The following NFATC3 variants were observed in gnomAD, a reference collection of about 807,000 sequenced individuals.
NFATC3 encodes nuclear factor of activated T cells 3, also known as nuclear factor of activated T-cells, cytoplasmic 3.
NFATC3 carries 46 observed loss-of-function variants against 98.6 expected under a neutral mutation model. That is an observed-to-expected ratio of 0.47 (90% CI 0.37 to 0.60). The LOEUF is 0.60. NFATC3 is among the 20% of genes least tolerant of loss of function. The pLI is 0.00. For missense variants in NFATC3, 1,256 were observed against 1,295.5 expected (o/e 0.97, Z 0.47); for synonymous variants, 512 against 472.2 (o/e 1.08, Z -1.09).
intron 4 of NFATC3, among the ~76,000 whole-genome samples, chr16:68,164,996 G>C (rs1254895711): frequency 6.6e-6 from 1 of 152,038 alleles, no homozygotes; most frequent in South Asian, 2.1e-4. Context: ...TTGCTTTTTT[G>C]TTTTTTGCAT....
intron 8 of NFATC3, among the ~76,000 whole-genome samples, chr16:68,185,452 G>A (rs2040147784): frequency 6.6e-6 from 1 of 152,176 alleles, no homozygotes; most frequent in African/African-American, 2.4e-5. Context: ...ATACTGTTGA[G>A]ATGAGGGATT....
intron 1 of NFATC3, among the ~76,000 whole-genome samples, chr16:68,087,949 T>C (rs1410986480): frequency 6.6e-6 from 1 of 152,226 alleles, no homozygotes. Flanking sequence ...ATAGTGCTGC[T>C]ATGAACACAT....
At chr16:68,195,697 A>G (rs1405312799) in intron 9 of NFATC3, among the ~76,000 whole-genome samples, 2 of 151,822 alleles carry the variant, frequency 1.3e-5, no homozygotes, top group Non-Finnish European at 2.9e-5. Context: ...AGTCCCAGCT[A>G]CTTGGGAGGC....
intron 8 of NFATC3, among the ~76,000 whole-genome samples, chr16:68,186,415 C>A (rs545390796): frequency 1.3e-5 from 2 of 152,194 alleles, no homozygotes; most frequent in African/African-American, 4.8e-5. Context: ...TGTCGTGAGC[C>A]TGTAGTCCCA....
At chr16:68,114,136 T>C (rs2036136720) in intron 1 of NFATC3, among the ~76,000 whole-genome samples, 1 of 152,186 alleles carries the variant, frequency 6.6e-6, no homozygotes, top group Non-Finnish European at 1.5e-5. Context: ...GGAAAAAGTC[T>C]GGTTTCCCGC....
intron 3 of NFATC3, among the ~76,000 whole-genome samples, chr16:68,143,407 C>CA (rs1403007052): frequency 6.6e-6 from 1 of 152,034 alleles, no homozygotes; most frequent in Non-Finnish European, 1.5e-5. Context: ...TGTTTATAGA[C>CA]AAAGATGAGT....
intron 1 of NFATC3, among the ~76,000 whole-genome samples, chr16:68,101,176 C>T (rs1325341853): frequency 2.0e-5 from 3 of 151,972 alleles, no homozygotes; most frequent in African/African-American, 2.4e-5. Context: ...CAGTCTTGCT[C>T]GTGTTGCCCA....
At chr16:68,167,102 G>T in intron 5 of NFATC3, 87 bp downstream of exon 5, 1 of 1,366,638 alleles carries the variant, frequency 7.3e-7, no homozygotes, top group Non-Finnish European at 1.0e-6. Context: ...TGCGTCTGAA[G>T]TGCAAACTGA....
At chr16:68,132,474 GGAAA>G (rs1366046603) in intron 3 of NFATC3, among the ~76,000 whole-genome samples, 1 of 152,138 alleles carries the variant, frequency 6.6e-6, no homozygotes, top group Non-Finnish European at 1.5e-5. Context: ...TAGCCATGAT[GGAAA>G]ACAGTCTAAA....
chr16:68,191,184 T>C lies in NFATC3; in HGVS notation c.2515T>C (p.Ser839Pro). 5 of 1,614,216 alleles carry C rather than the reference T, an allele frequency of 3.1e-6. No individual in the cohort carries two copies. The African/African-American group carries it at 4.0e-5, about 13-fold the overall frequency. The change falls in exon 9 of 10, where the codon TCT becomes CCT. Residue 839 changes from serine (S) to proline (P), a missense_variant. Around this residue, in one of 3 missense-constraint regions of NFATC3, gnomAD observed 636 missense variants for 617.3 expected, o/e 1.03. Transcript: ENST00000346183. ...SVLFQQDATL[S>P]GLVNLGCQPL... ...TTTGTTTCAGCAGGATGCAACTCTT[T>C]CTGGTTTAGTGAATCTTGGCTGTCA...
chr16:68,153,093 CTTG>C (rs2038423602), intron 3 of NFATC3, among the ~76,000 whole-genome samples: 1 of 152,196 alleles, frequency 6.6e-6, no homozygotes, highest in South Asian at 2.1e-4. Flanking sequence ...TGTGTGTTAT[CTTG>C]TTATCAAATT....
intron 2 of NFATC3, among the ~76,000 whole-genome samples, chr16:68,126,071 A>G (rs540346465): frequency 1.3e-5 from 2 of 151,988 alleles, no homozygotes; most frequent in East Asian, 3.9e-4. Context: ...TTTAGTAGAG[A>G]TGGGGTTTCA....
intron 9 of NFATC3, among the ~76,000 whole-genome samples, chr16:68,198,979 C>T (rs1190431304): frequency 1.3e-5 from 2 of 151,880 alleles, no homozygotes; most frequent in African/African-American, 2.4e-5. Flanking sequence ...ACCCAGGAGG[C>T]GGGGATTGCA....
chr16:68,216,365 TAGAAA>T (rs2041636889), intron 9 of NFATC3, among the ~76,000 whole-genome samples: 1 of 152,198 alleles, frequency 6.6e-6, no homozygotes, highest in South Asian at 2.1e-4. Context: ...CTTTTGCTGA[TAGAAA>T]AGAGTACATG....
chr16:68,136,270 T>C (rs1389898876), intron 3 of NFATC3, among the ~76,000 whole-genome samples: 3 of 152,128 alleles, frequency 2.0e-5, no homozygotes, highest in African/African-American at 7.2e-5. Context: ...TTTACTTTTT[T>C]TTTCTTTTTT....
chr16:68,192,409 A>G (rs2040483783), intron 9 of NFATC3, among the ~76,000 whole-genome samples: 1 of 150,656 alleles, frequency 6.6e-6, no homozygotes, highest in Non-Finnish European at 1.5e-5. Context: ...TACCACTAAT[A>G]TCTGTTGCTG....
At chr16:68,159,258 A>G (rs755833821) in intron 4 of NFATC3, among the ~76,000 whole-genome samples, 13 of 152,036 alleles carry the variant, frequency 8.6e-5, no homozygotes, top group Non-Finnish European at 1.9e-4. Flanking sequence ...AAACAAAGCA[A>G]TGTAGGGGCC....
chr16:68,087,790 A>T (rs1351707732), intron 1 of NFATC3, among the ~76,000 whole-genome samples: 1 of 152,194 alleles, frequency 6.6e-6, no homozygotes, highest in African/African-American at 2.4e-5. Flanking sequence ...TTATATAAAT[A>T]GGATAATATA....
At chr16:68,137,618 C>CTTT in intron 3 of NFATC3, among the ~76,000 whole-genome samples, 1 of 142,440 alleles carries the variant, frequency 7.0e-6, no homozygotes, top group Non-Finnish European at 1.5e-5. Context: ...CATTTTCCTT[C>CTTT]TTTTTTTTTT....
Sources: gnomAD v4.1 joint callset for allele counts (sites outside exome capture counted in the v4.1 genomes callset) on GRCh38, gnomAD v4.1.1 for gene constraint, gnomAD v4.1.1 regional missense constraint, MANE v1.5 for transcripts, NCBI Gene and HGNC (gene_info 2026-07-23, HGNC 2026-07-21) for gene names.